DLG2: variants seen among roughly 807,000 people sequenced by gnomAD.
DLG2 encodes the protein discs large MAGUK scaffold protein 2.
A neutral mutation model predicts 132.5 loss-of-function variants in DLG2; 45 were observed. That is an observed-to-expected ratio of 0.34 (90% confidence interval 0.27 to 0.44). The LOEUF (loss-of-function observed/expected upper bound fraction) is 0.44. DLG2 is among the 20% of genes least tolerant of loss of function. The pLI, the probability that DLG2 is intolerant of heterozygous loss-of-function variation, is 1.00. For synonymous variants in DLG2, 424 were observed against 419.6 expected (o/e 1.01, Z -0.13); for missense variants, 1,045 against 1,196.9 (o/e 0.87, Z 1.87).
intron 12 of DLG2, among the ~76,000 whole-genome samples, chr11:83,976,892 C>T (rs1592203533): frequency 6.6e-6 from 1 of 151,894 alleles, no homozygotes; most frequent in Non-Finnish European, 1.5e-5. Context: ...TCTCTGTACT[C>T]TTAAAATCAC....
chr11:85,534,314 T>C (rs1254157669), intron 3 of DLG2, among the ~76,000 whole-genome samples: 1 of 152,112 alleles, frequency 6.6e-6, no homozygotes, highest in African/African-American at 2.4e-5. Context: ...TAAAAAAAGG[T>C]CTTTTTTATT....
intron 4 of DLG2, among the ~76,000 whole-genome samples, chr11:85,174,583 A>T (rs1303861800): frequency 6.6e-6 from 1 of 152,204 alleles, no homozygotes; most frequent in Non-Finnish European, 1.5e-5. Flanking sequence ...AATGAACCCC[A>T]AAGTTAGCAG....
At chr11:85,385,838 T>C (rs1304636798) in intron 3 of DLG2, among the ~76,000 whole-genome samples, 1 of 152,144 alleles carries the variant, frequency 6.6e-6, no homozygotes, top group African/African-American at 2.4e-5. Context: ...TCTTAAGAAC[T>C]AATAAATTGT....
chr11:84,841,872 T>C (rs539910425), intron 6 of DLG2, among the ~76,000 whole-genome samples: 32 of 152,118 alleles, frequency 2.1e-4, no homozygotes, highest in African/African-American at 7.7e-4. Context: ...CTCTACAGGT[T>C]TCTAAATTTT....
chr11:85,585,256 G>A (rs1389989357), intron 3 of DLG2, among the ~76,000 whole-genome samples: 3 of 152,056 alleles, frequency 2.0e-5, no homozygotes, highest in African/African-American at 4.8e-5. Context: ...TGTTGAATAG[G>A]GTGTCCTTTC....
chr11:85,432,024 T>C (rs1335637203), intron 3 of DLG2, among the ~76,000 whole-genome samples: 1 of 152,032 alleles, frequency 6.6e-6, no homozygotes, highest in East Asian at 1.9e-4. Flanking sequence ...AGGAGCAAAA[T>C]AAATGAATAG....
intron 7 of DLG2, among the ~76,000 whole-genome samples, chr11:84,363,148 T>G (rs2098660504): frequency 6.6e-6 from 1 of 151,738 alleles, no homozygotes. Flanking sequence ...TGTTCCTATT[T>G]CTCCACATCC....
At chr11:84,397,956 G>A (rs916208041) in intron 7 of DLG2, among the ~76,000 whole-genome samples, 5 of 152,246 alleles carry the variant, frequency 3.3e-5, no homozygotes, top group East Asian at 1.9e-4. Flanking sequence ...ACCATAATTT[G>A]TTTTGATGCA....
chr11:83,553,542 C>T (rs1343630068), intron 19 of DLG2, among the ~76,000 whole-genome samples: 1 of 142,118 alleles, frequency 7.0e-6, no homozygotes, highest in African/African-American at 2.8e-5. Context: ...GCTGCTGCTG[C>T]TGTTGTGCTA....
chr11:85,405,477 C>G (rs916563755), intron 3 of DLG2, among the ~76,000 whole-genome samples: 15 of 151,946 alleles, frequency 9.9e-5, no homozygotes, highest in Middle Eastern at 3.4e-3. Context: ...TGAGAACATG[C>G]AGATCATTTA....
chr11:85,272,374 T>C (rs1319326550), intron 4 of DLG2, among the ~76,000 whole-genome samples: 1 of 152,222 alleles, frequency 6.6e-6, no homozygotes, highest in African/African-American at 2.4e-5. Flanking sequence ...CATAGATTGA[T>C]TGATTTTAAG....
In DLG2 at chr11:83,873,281, C is replaced by G. The variant is rs368167284; in HGVS notation, c.1565+1139G>C. On this transcript the variant is annotated intron_variant, in intron 16 of 27. Coordinates refer to ENST00000376104, the MANE Select transcript of DLG2 (RefSeq NM_001142699.3). ...TGTAGGACTACTTTAGAAATAAAAT[C>G]AGGTAAGACAGGTGATGTGGTTTGG... Among the ~76,000 whole-genome samples, 11 of 152,202 alleles carry G rather than the reference C, an allele frequency of 7.2e-5. No homozygotes were observed. The East Asian group carries it at 9.7e-4, about 13-fold the overall frequency.
chr11:83,460,243 C>T (rs537050258), intron 27 of DLG2, among the ~76,000 whole-genome samples: 1 of 152,272 alleles, frequency 6.6e-6, no homozygotes, highest in East Asian at 1.9e-4. Context: ...CTACTCTGAG[C>T]CAGGCACTGA....
intron 3 of DLG2, among the ~76,000 whole-genome samples, chr11:85,304,862 T>C (rs1277491656): frequency 2.0e-5 from 3 of 152,212 alleles, no homozygotes; most frequent in African/African-American, 7.2e-5. Flanking sequence ...TATTTCCCCA[T>C]AGTATTTATT....
intron 6 of DLG2, chr11:84,545,111 G>T: frequency 2.2e-6 from 1 of 449,302 alleles, no homozygotes; most frequent in Admixed American, 2.5e-5. Context: ...CTCACGCTAA[G>T]CTTTGTTTCT....
Position 84,143,651 on chromosome 11 carries a change from T to C in DLG2, c.624+19810A>G, listed in dbSNP as rs556387931. Among the ~76,000 whole-genome samples the C allele has an allele frequency of 5.7e-4, 87 of 152,294 alleles. 1 individual carries two copies. The highest frequency in any genetic ancestry group is 2.0e-3 in the African/African-American group (85 of 41,578). On this transcript the variant is annotated intron_variant, in intron 9 of 27. Transcript: ENST00000376104. Reference sequence around the variant, plus strand: ...CTTGTAAACTCTGAATTCTAACAATTGCTCAAATGCTTGAAATAATTTCAG... The same window carrying C: ...CTTGTAAACTCTGAATTCTAACAATCGCTCAAATGCTTGAAATAATTTCAG...
intron 6 of DLG2, among the ~76,000 whole-genome samples, chr11:84,765,270 C>T (rs936531226): frequency 6.6e-6 from 1 of 152,052 alleles, no homozygotes; most frequent in Non-Finnish European, 1.5e-5. Context: ...TGTTTCTACA[C>T]CTGCATCAAA....
intron 15 of DLG2, among the ~76,000 whole-genome samples, chr11:83,883,257 T>C (rs1415838848): frequency 1.3e-5 from 2 of 152,198 alleles, no homozygotes; most frequent in Non-Finnish European, 2.9e-5. Flanking sequence ...ACAGTTTTGA[T>C]GGTGTTATTT....
intron 6 of DLG2, among the ~76,000 whole-genome samples, chr11:84,741,721 G>A (rs1050439555): frequency 6.6e-6 from 1 of 151,850 alleles, no homozygotes; most frequent in Non-Finnish European, 1.5e-5. Context: ...CACCAGACAC[G>A]TATAAGTTAA....
Sources: gnomAD v4.1 joint callset for allele counts (sites outside exome capture counted in the v4.1 genomes callset) on GRCh38, gnomAD v4.1.1 for gene constraint, MANE v1.5 for transcripts, NCBI Gene and HGNC (gene_info 2026-07-23, HGNC 2026-07-21) for gene names.